NFYC: variants seen among roughly 807,000 people sequenced by gnomAD.
NFYC encodes nuclear transcription factor Y subunit gamma, also known as CAAT box DNA-binding protein subunit C.
A neutral mutation model predicts 53.1 loss-of-function variants in NFYC; 25 were observed. That is an observed-to-expected ratio of 0.47 (90% CI 0.34 to 0.66). The LOEUF is 0.66. NFYC is among the 30% of genes least tolerant of loss of function. The probability of loss-of-function intolerance (pLI) is 0.01; values close to 1 mark genes in which losing one functional copy is unlikely to be tolerated. For missense variants in NFYC, 260 were observed against 422.7 expected (o/e 0.62, Z 3.38); for synonymous variants, 145 against 152.6 (o/e 0.95, Z 0.37).
chr1:40,697,551 CA>C (rs1396738762), intron 1 of NFYC, among the ~76,000 whole-genome samples: 1 of 152,212 alleles, frequency 6.6e-6, no homozygotes, highest in Non-Finnish European at 1.5e-5. Context: ...AAAACTTCTT[CA>C]TATTTGACAA....
intron 1 of NFYC, among the ~76,000 whole-genome samples, chr1:40,737,503 A>G (rs1396227931): frequency 6.6e-6 from 1 of 151,250 alleles, no homozygotes; most frequent in Non-Finnish European, 1.5e-5. Flanking sequence ...TAATTTTTGT[A>G]TTTTTAGTAG....
At chr1:40,735,245 T>G (rs1412283285) in intron 1 of NFYC, 1 of 152,050 alleles carries the variant, frequency 6.6e-6, no homozygotes, top group East Asian at 1.9e-4. Context: ...TATTATTGAC[T>G]TGTATTTTTC....
chr1:40,769,020 C>A (rs942304979), intron 8 of NFYC: 12 of 231,264 alleles, frequency 5.2e-5, no homozygotes, highest in Middle Eastern at 1.6e-3. Flanking sequence ...GACTTCTACC[C>A]CAAACCATAG....
intron 1 of NFYC, among the ~76,000 whole-genome samples, chr1:40,725,841 A>C (rs574986952): frequency 2.5e-4 from 38 of 152,364 alleles, no homozygotes; most frequent in African/African-American, 8.4e-4. Context: ...AGAGTCACAC[A>C]AATTTGTTGG....
At chr1:40,706,548 T>A (rs1643700213) in intron 1 of NFYC, among the ~76,000 whole-genome samples, 2 of 152,068 alleles carry the variant, frequency 1.3e-5, no homozygotes, top group Admixed American at 1.3e-4. Context: ...AACAATTGTA[T>A]TTTTCAGTCC....
chr1:40,759,362 T>C (rs7549789), intron 6 of NFYC, among the ~76,000 whole-genome samples: 33,656 of 151,914 alleles, frequency 0.22, 4,301 homozygotes, highest in South Asian at 0.42. Flanking sequence ...TGGTGAGACC[T>C]TGTCTCCACC....
At chr1:40,743,919 G>A (rs578099076) in intron 2 of NFYC, among the ~76,000 whole-genome samples, 17 of 152,304 alleles carry the variant, frequency 1.1e-4, no homozygotes, top group South Asian at 2.1e-4. Flanking sequence ...TAGCAGGGCC[G>A]TAAAACAGTA....
At chr1:40,769,517 A>G in intron 9 of NFYC, 102 bp downstream of exon 9, 1 of 923,046 alleles carries the variant, frequency 1.1e-6, no homozygotes, top group East Asian at 2.4e-5. Flanking sequence ...CCTGTCCTCT[A>G]CTAACAGTGA....
At chr1:40,718,126 T>C (rs1013852002) in intron 1 of NFYC, among the ~76,000 whole-genome samples, 1 of 152,252 alleles carries the variant, frequency 6.6e-6, no homozygotes, top group Non-Finnish European at 1.5e-5. Flanking sequence ...TGGAAATTCA[T>C]TGGCCAGATG....
intron 1 of NFYC, among the ~76,000 whole-genome samples, chr1:40,696,503 C>G (rs1643154241): frequency 6.6e-6 from 1 of 152,226 alleles, no homozygotes; most frequent in South Asian, 2.1e-4. Context: ...ATGACCTTGA[C>G]AGGGTCACTT....
At chr1:40,759,327 G>A (rs1176532930) in intron 6 of NFYC, among the ~76,000 whole-genome samples, 1 of 151,926 alleles carries the variant, frequency 6.6e-6, no homozygotes, top group Non-Finnish European at 1.5e-5. Context: ...TTGAGCCCAC[G>A]TGTTCAAGAC....
Position 40,731,184 on chromosome 1 carries a change from CT to C in NFYC, c.-8-7642del, listed in dbSNP as rs796411657. 4.4e-3 allele frequency among the ~76,000 whole-genome samples: 659 copies of C among 149,136 alleles called. 10 individuals are homozygous for C. The highest frequency in any genetic ancestry group is 0.015 in the African/African-American group (630 of 40,756). ...AATAATTGGATAAATAATCATCTTA[CT>C]TTTTTTTTTGGGACGGAGTCTTGCT... On this transcript the variant is annotated intron_variant, in intron 1 of 9. Coordinates refer to ENST00000447388, the MANE Select transcript of NFYC (RefSeq NM_014223.5).
chr1:40,765,573 G>A (rs571810112), intron 7 of NFYC, among the ~76,000 whole-genome samples: 1 of 152,330 alleles, frequency 6.6e-6, no homozygotes, highest in Non-Finnish European at 1.5e-5. Context: ...GCCACAAGAA[G>A]CTTCCCCTTG....
chr1:40,710,928 A>G (rs1403112013), intron 1 of NFYC, among the ~76,000 whole-genome samples: 1 of 152,212 alleles, frequency 6.6e-6, no homozygotes, highest in Non-Finnish European at 1.5e-5. Context: ...ATTTAAGATG[A>G]AAAGAGACTG....
At position 40,767,397 on chromosome 1, in the gene NFYC, G is replaced by C. The variant is rs182479132; in HGVS notation, c.828+694G>C. On this transcript the variant is annotated intron_variant, in intron 8 of 9. Coordinates refer to ENST00000447388, the MANE Select transcript of NFYC (RefSeq NM_014223.5). ...GATGTATCTATTGACAGTGGTGACA[G>C]AGCTGAGTTTGTAGAGCAGGTCTCC... 2.1e-3 allele frequency among the ~76,000 whole-genome samples: 314 copies of C among 152,326 alleles called. 2 individuals are homozygous for C. The highest frequency in any genetic ancestry group is 7.1e-3 in the African/African-American group (294 of 41,578).
intron 6 of NFYC, among the ~76,000 whole-genome samples, chr1:40,760,327 G>C (rs908252551): frequency 4.6e-5 from 7 of 152,206 alleles, no homozygotes; most frequent in Non-Finnish European, 1.0e-4. Flanking sequence ...ATCACTTTGG[G>C]AGGCCAAAGC....
chr1:40,765,012 A>T (rs1453731868), intron 7 of NFYC, among the ~76,000 whole-genome samples: 1 of 152,198 alleles, frequency 6.6e-6, no homozygotes, highest in Admixed American at 6.5e-5. Flanking sequence ...CACTCCTGGG[A>T]CAAGGCTTTA....
At chr1:40,750,827 G>A (rs1302615675) in intron 4 of NFYC, among the ~76,000 whole-genome samples, 2 of 152,054 alleles carry the variant, frequency 1.3e-5, no homozygotes, top group African/African-American at 4.8e-5. Flanking sequence ...AGTCATCAGG[G>A]AAATAAAAAA....
intron 1 of NFYC, among the ~76,000 whole-genome samples, chr1:40,728,934 A>T (rs888170003): frequency 6.6e-6 from 1 of 152,198 alleles, no homozygotes; most frequent in Non-Finnish European, 1.5e-5. Context: ...CACTGCTCCC[A>T]GCCTCCATCA....
Sources: gnomAD v4.1 joint callset for allele counts (sites outside exome capture counted in the v4.1 genomes callset) on GRCh38, gnomAD v4.1.1 for gene constraint, MANE v1.5 for transcripts, NCBI Gene and HGNC (gene_info 2026-07-23, HGNC 2026-07-21) for gene names.